Variants in NEGR1 observed in about 807,000 individuals in gnomAD.
NEGR1 encodes IgLON family member 4.
In NEGR1, 10 loss-of-function variants were observed where a neutral mutation model predicts 40.9. The observed-to-expected ratio is 0.24, with a 90% CI of 0.15 to 0.42. The LOEUF is 0.42. Ranked by LOEUF, NEGR1 falls within the 10% of genes least tolerant of loss-of-function variation. The probability of loss-of-function intolerance (pLI) is 1.00; values close to 1 mark genes in which losing one functional copy is unlikely to be tolerated. For missense variants in NEGR1, 352 were observed against 438.9 expected (o/e 0.80, Z 1.77); for synonymous variants, 185 against 166.8 (o/e 1.11, Z -0.84).
chr1:71,756,962 G>A (rs1241188017), intron 3 of NEGR1, among the ~76,000 whole-genome samples: 2 of 151,772 alleles, frequency 1.3e-5, no homozygotes, highest in African/African-American at 2.4e-5. Context: ...CTTTAGAATG[G>A]CTTTAATTTA....
chr1:71,592,779 G>A, intron 6 of NEGR1, 38 bp downstream of exon 6: 1 of 1,563,934 alleles, frequency 6.4e-7, no homozygotes, highest in Non-Finnish European at 8.7e-7. Flanking sequence ...GGGGCCCAGA[G>A]GCCCCTGGAA....
At chr1:71,852,840 A>T (rs1452133199) in intron 2 of NEGR1, among the ~76,000 whole-genome samples, 1 of 152,020 alleles carries the variant, frequency 6.6e-6, no homozygotes, top group Non-Finnish European at 1.5e-5. Context: ...AATAATCAGA[A>T]GGAATTTGCT....
intron 1 of NEGR1, among the ~76,000 whole-genome samples, chr1:71,956,434 T>G (rs1646120165): frequency 6.6e-6 from 1 of 152,106 alleles, no homozygotes; most frequent in African/African-American, 2.4e-5. Context: ...AAATTCTAAC[T>G]TTTCAATCTG....
At chr1:71,588,262 T>C (rs1190022120) in intron 6 of NEGR1, among the ~76,000 whole-genome samples, 2 of 152,066 alleles carry the variant, frequency 1.3e-5, no homozygotes, top group Admixed American at 6.6e-5. Context: ...AAAATAACAA[T>C]AAAATAACAA....
At chr1:71,942,485 T>TATATATATATATA (rs61271690) in intron 1 of NEGR1, among the ~76,000 whole-genome samples, 6 of 5,008 alleles carry the variant, frequency 1.2e-3, no homozygotes, top group East Asian at 5.0e-3. Flanking sequence ...ATATATATAT[T>TATATATATATATA]TTTTTTTTTT....
intron 3 of NEGR1, among the ~76,000 whole-genome samples, chr1:71,699,423 T>A (rs1472784684): frequency 6.6e-6 from 1 of 151,886 alleles, no homozygotes; most frequent in African/African-American, 2.4e-5. Flanking sequence ...CATTTATCTA[T>A]CTAATCCTTG....
chr1:71,450,533 A>G (rs1646619343), intron 6 of NEGR1, among the ~76,000 whole-genome samples: 1 of 151,760 alleles, frequency 6.6e-6, no homozygotes, highest in African/African-American at 2.4e-5. Context: ...TTGGCTGGGC[A>G]TGGTGGCTCA....
At chr1:71,705,808 A>C (rs1653872287) in intron 3 of NEGR1, among the ~76,000 whole-genome samples, 1 of 149,466 alleles carries the variant, frequency 6.7e-6, no homozygotes, top group Admixed American at 6.6e-5. Context: ...AAGAAAAGAG[A>C]GGAAGGAGAA....
At chr1:71,844,746 A>G (rs1032925520) in intron 2 of NEGR1, among the ~76,000 whole-genome samples, 9 of 152,200 alleles carry the variant, frequency 5.9e-5, no homozygotes, top group African/African-American at 2.2e-4. Flanking sequence ...GGGTGACTTC[A>G]GTAGAAGAGA....
chr1:71,552,940 C>T (rs554724395), intron 6 of NEGR1, among the ~76,000 whole-genome samples: 5 of 151,460 alleles, frequency 3.3e-5, no homozygotes, highest in Admixed American at 2.6e-4. Context: ...TGCATTTGAC[C>T]TAAATATAGG....
chr1:72,153,617 TTATC>T (rs970221716), intron 1 of NEGR1, among the ~76,000 whole-genome samples: 1 of 151,914 alleles, frequency 6.6e-6, no homozygotes, highest in Non-Finnish European at 1.5e-5. Context: ...TATGTATCTA[TTATC>T]TATCTGTCTC....
chr1:71,613,929 A>G (rs1039538197), intron 4 of NEGR1, among the ~76,000 whole-genome samples: 1 of 152,128 alleles, frequency 6.6e-6, no homozygotes, highest in Non-Finnish European at 1.5e-5. Context: ...TATTCAGTGA[A>G]TACTGAATAT....
At chr1:71,676,797 G>A (rs1195741903) in intron 4 of NEGR1, among the ~76,000 whole-genome samples, 1 of 152,164 alleles carries the variant, frequency 6.6e-6, no homozygotes, top group Non-Finnish European at 1.5e-5. Context: ...AGAGAGAAGA[G>A]ATATTTCAAA....
intron 6 of NEGR1, among the ~76,000 whole-genome samples, chr1:71,564,628 G>T (rs74521446): frequency 6.6e-6 from 1 of 151,846 alleles, no homozygotes; most frequent in Non-Finnish European, 1.5e-5. Context: ...AAATTTAATC[G>T]CAATTTTTGT....
chr1:71,992,572 A>G lies in NEGR1; in HGVS notation c.177-57261T>C, dbSNP rs571483562. Among the ~76,000 whole-genome samples, 6 of 152,352 alleles carry G rather than the reference A, an allele frequency of 3.9e-5. No homozygotes were observed. In the East Asian group the frequency reaches 1.2e-3, roughly 29 times the overall value. On this transcript the variant is annotated intron_variant, in intron 1 of 6. Coordinates refer to ENST00000357731, the MANE Select transcript of NEGR1 (RefSeq NM_173808.3). ...AAGCTACTATTTAAACATGTAATCA[A>G]TATAAAGTTATTGAGGTATTATGGA...
intron 1 of NEGR1, among the ~76,000 whole-genome samples, chr1:72,025,968 G>C (rs1454828427): frequency 6.6e-6 from 1 of 150,756 alleles, no homozygotes; most frequent in African/African-American, 2.4e-5. Context: ...AAAATTAGCC[G>C]GGCGTAGTGG....
intron 1 of NEGR1, among the ~76,000 whole-genome samples, chr1:72,104,768 T>A (rs904405706): frequency 6.6e-6 from 1 of 152,122 alleles, no homozygotes; most frequent in East Asian, 1.9e-4. Context: ...ACAACAATAC[T>A]TTTTTGCCTT....
chr1:71,750,139 G>T lies in NEGR1; in HGVS notation c.535+26033C>A, dbSNP rs369361153. On this transcript the variant is annotated intron_variant, in intron 3 of 6. Transcript: ENST00000357731. ...CTCCCGAGTAGCTGGGACTACAGGC[G>T]CCCGCCACCGCGCCCGGCTAATTTT... Among the ~76,000 whole-genome samples the T allele has an allele frequency of 5.2e-4, 79 of 152,038 alleles. 1 individual carries two copies. In the East Asian group the frequency reaches 0.012, roughly 22 times the overall value.
intron 1 of NEGR1, among the ~76,000 whole-genome samples, chr1:72,184,100 C>A (rs1268712670): frequency 6.6e-6 from 1 of 152,060 alleles, no homozygotes; most frequent in African/African-American, 2.4e-5. Context: ...GATAAATGTA[C>A]CTTCTCTGCA....
Sources: allele counts gnomAD v4.1 joint callset (sites outside exome capture counted in the v4.1 genomes callset), GRCh38; gene constraint gnomAD v4.1.1; transcripts MANE v1.5; gene names NCBI Gene and HGNC (gene_info 2026-07-23, HGNC 2026-07-21).